The following DTNB variants were observed in gnomAD, a reference collection of about 807,000 sequenced individuals.
DTNB encodes DTN-B.
In DTNB, 63 loss-of-function variants were observed where a neutral mutation model predicts 90.7. The observed-to-expected ratio is 0.69, with a 90% CI of 0.57 to 0.86. The LOEUF (loss-of-function observed/expected upper bound fraction) is 0.86. Ranked by LOEUF, DTNB falls within the 40% of genes least tolerant of loss-of-function variation. The pLI is 0.00. For missense variants in DTNB, 744 were observed against 807.1 expected, an observed-to-expected ratio of 0.92 and a Z score of 0.95; for synonymous variants, 277 against 286.7, an observed-to-expected ratio of 0.97 and a Z score of 0.34.
At chr2:25,664,971 G>C (rs1329627386) in intron 1 of DTNB, among the ~76,000 whole-genome samples, 1 of 152,186 alleles carries the variant, frequency 6.6e-6, no homozygotes, top group Non-Finnish European at 1.5e-5. Flanking sequence ...AAATCATGGA[G>C]CTAAGTAGGA....
chr2:25,599,842 CCCAGAACTTTGGG>C (rs2065472430), intron 5 of DTNB, among the ~76,000 whole-genome samples: 1 of 152,144 alleles, frequency 6.6e-6, no homozygotes, highest in African/African-American at 2.4e-5. Context: ...CACCTGTAAT[CCCAGAACTTTGGG>C]AGGCCCAGGC....
chr2:25,627,032 T>C (rs988015359), intron 4 of DTNB, among the ~76,000 whole-genome samples: 6 of 152,376 alleles, frequency 3.9e-5, no homozygotes, highest in Middle Eastern at 3.4e-3. Context: ...TTGGAGTACA[T>C]TTAAATAGTT....
At chr2:25,506,635 T>C (rs2072506318) in intron 9 of DTNB, among the ~76,000 whole-genome samples, 1 of 152,162 alleles carries the variant, frequency 6.6e-6, no homozygotes, top group African/African-American at 2.4e-5. Context: ...CCTGACTTGA[T>C]CACCGCACAT....
chr2:25,440,743 G>A (rs1002799201), intron 12 of DTNB, among the ~76,000 whole-genome samples: 1 of 152,144 alleles, frequency 6.6e-6, no homozygotes, highest in African/African-American at 2.4e-5. Context: ...ACTCAAACTA[G>A]GTTAAACAGT....
chr2:25,408,538 C>CAAAAAAAAAAAAAAAAAAAAAAAA (rs11395783), intron 16 of DTNB, among the ~76,000 whole-genome samples: 1 of 32,732 alleles, frequency 3.1e-5, no homozygotes, highest in African/African-American at 9.4e-5. Context: ...GACTCCATCT[C>CAAAAAAAAAAAAAAAAAAAAAAAA]AAAAAAAAAA....
intron 8 of DTNB, among the ~76,000 whole-genome samples, chr2:25,532,176 C>T (rs1467125635): frequency 4.2e-5 from 6 of 141,332 alleles, no homozygotes; most frequent in African/African-American, 1.6e-4. Context: ...ACCTGGGAGG[C>T]GGAGGTTGCA....
intron 15 of DTNB, chr2:25,421,089 C>CA (rs2049515884): frequency 6.6e-6 from 1 of 152,140 alleles, no homozygotes; most frequent in African/African-American, 2.4e-5. Context: ...TTCATGCAGC[C>CA]AGTCTTTACT....
chr2:25,438,924 G>A (rs1284598072), intron 12 of DTNB, among the ~76,000 whole-genome samples: 2 of 152,070 alleles, frequency 1.3e-5, no homozygotes, highest in African/African-American at 2.4e-5. Flanking sequence ...CTAATCAAGA[G>A]ATAAACATCG....
In DTNB at chr2:25,419,452, A is replaced by G. The variant is rs1398286719; in HGVS notation, c.1575+63T>C. On this transcript the variant is annotated intron_variant, in intron 16 of 20. Coordinates refer to ENST00000406818, the MANE Select transcript of DTNB (RefSeq NM_021907.5). ...CGGGGAGAAGAGGAGAAACATTTAT[A>G]TGAGGAAAGGAAGAACGTGCAAAGG... 2.6e-6 allele frequency: 4 copies of G among 1,552,162 alleles called. No individual in the cohort carries two copies. The South Asian group carries it at 3.6e-5, about 14-fold the overall frequency.
intron 8 of DTNB, 65 bp from the exon 9 acceptor site, chr2:25,531,662 G>GA (rs894967708): frequency 4.5e-6 from 7 of 1,545,240 alleles, no homozygotes; most frequent in Admixed American, 4.8e-5. Flanking sequence ...CTTCAAAAAA[G>GA]AAAAAAACTT....
At chr2:25,636,268 A>C (rs969625145) in intron 3 of DTNB, among the ~76,000 whole-genome samples, 1 of 152,312 alleles carries the variant, frequency 6.6e-6, no homozygotes, top group African/African-American at 2.4e-5. Context: ...ACAAAAAGTA[A>C]AGGAACAACT....
At chr2:25,463,139 C>G (rs1055284500) in intron 10 of DTNB, among the ~76,000 whole-genome samples, 3 of 152,194 alleles carry the variant, frequency 2.0e-5, no homozygotes, top group African/African-American at 7.2e-5. Context: ...GCCCAATGGG[C>G]ATTTCAAACC....
intron 12 of DTNB, among the ~76,000 whole-genome samples, chr2:25,442,503 T>C (rs533167351): frequency 1.3e-5 from 2 of 152,334 alleles, no homozygotes; most frequent in Admixed American, 6.5e-5. Flanking sequence ...GTGATTTCAA[T>C]GTGCATCCAA....
intron 20 of DTNB, among the ~76,000 whole-genome samples, chr2:25,377,835 G>C (rs1049557929): frequency 3.3e-5 from 5 of 152,204 alleles, no homozygotes; most frequent in Non-Finnish European, 5.9e-5. Flanking sequence ...AGGGAGGACT[G>C]AGGTGTGCCG....
intron 8 of DTNB, among the ~76,000 whole-genome samples, chr2:25,551,464 C>T (rs947430980): frequency 4.6e-5 from 7 of 152,176 alleles, no homozygotes; most frequent in Admixed American, 3.3e-4. Flanking sequence ...CAACAGTGGC[C>T]TCCCGGCTGG....
chr2:25,482,756 A>G, intron 10 of DTNB, 40 bp downstream of exon 10: 1 of 1,598,806 alleles, frequency 6.3e-7, no homozygotes, highest in South Asian at 1.1e-5. Context: ...AATCAGTAGC[A>G]GAGGCCAACA....
chr2:25,482,800 T>G lies in DTNB; in HGVS notation c.1075A>C (p.Lys359Gln). 6.2e-7 allele frequency: 1 copy of G among 1,612,080 alleles called. No homozygotes were observed. The highest frequency in any genetic ancestry group is 8.5e-7 in the Non-Finnish European group (1 of 1,178,930). The change falls in exon 10 of 21, where the codon AAG becomes CAG. Residue 359 changes from lysine (K) to glutamine (Q), a missense_variant. Lys to Gln is a moderately conservative substitution (Grantham distance 53, BLOSUM62 1). Coordinates refer to ENST00000406818, the MANE Select transcript of DTNB (RefSeq NM_021907.5). ...HMSSGVPTPT[K>Q]RLQYSQDIPS... ...GAAGGCACAAGACATACGTACCTCT[T>G]GGTGGGAGTGGGCACTCCAGAGGAC...
chr2:25,457,421 C>T (rs997496845), intron 10 of DTNB, among the ~76,000 whole-genome samples: 1 of 152,104 alleles, frequency 6.6e-6, no homozygotes, highest in Non-Finnish European at 1.5e-5. Flanking sequence ...AGTCAGGATG[C>T]TAGGGTGCCC....
chr2:25,610,331 TA>T (rs1390920429), intron 4 of DTNB, among the ~76,000 whole-genome samples: 7 of 152,316 alleles, frequency 4.6e-5, no homozygotes, highest in African/African-American at 1.7e-4. Context: ...TGTAATGTAA[TA>T]TTTATCACTT....
Sources: gnomAD v4.1 joint callset for allele counts (sites outside exome capture counted in the v4.1 genomes callset) on GRCh38, gnomAD v4.1.1 for gene constraint, MANE v1.5 for transcripts, NCBI Gene and HGNC (gene_info 2026-07-23, HGNC 2026-07-21) for gene names.